The following C2orf15 variants were observed in gnomAD, a reference collection of about 807,000 sequenced individuals.
The protein encoded by C2orf15 is chromosome 2 open reading frame 15.
Under a neutral mutation model 4.4 loss-of-function variants are expected in C2orf15, and 3 were observed. That is an observed-to-expected ratio of 0.67 (90% confidence interval 0.31 to 1.74). C2orf15 has a LOEUF of 1.74. Among genes scored for constraint, C2orf15 ranks in the 40% most tolerant of loss-of-function variants. The pLI, the probability that C2orf15 is intolerant of heterozygous loss-of-function variation, is 0.09. For synonymous variants in C2orf15, 37 were observed against 36.8 expected (o/e 1.00, Z -0.02); for missense variants, 90 against 103.3 (o/e 0.87, Z 0.56).
intron 2 of C2orf15, among the ~76,000 whole-genome samples, chr2:99,145,580 C>T (rs2093623491): frequency 6.6e-6 from 1 of 151,758 alleles, no homozygotes; most frequent in Admixed American, 6.6e-5. Flanking sequence ...AAAAAAGACC[C>T]TTGTGATTAC....
At position 99,142,291 on chromosome 2, in the gene C2orf15, T is replaced by G. The variant is rs891212687; in HGVS notation, c.-279T>G. ...TTATCTCCTTTTCCTGCAGATGACA[T>G]AGACACTAGGTTTTTACAGCAATTC... On this transcript the variant is annotated 5_prime_UTR_variant, in exon 2 of 4. The change abolishes the stop of an existing upstream ORF in the 5' untranslated region. Transcript: ENST00000650052. 6.6e-6 allele frequency: 1 copy of G among 152,220 alleles called. No individual in the cohort carries two copies. Among genetic ancestry groups the G allele is most frequent in the African/African-American group, 2.4e-5 (1 of 41,456 alleles). The allele number at this position is 152,220 out of a possible 1,614,324, so 9.4% of individuals were successfully genotyped here. A position where few individuals can be genotyped will look rare whatever the true frequency, so the allele number is the denominator to read the frequency against.
chr2:99,151,579 C>G lies in C2orf15; in HGVS notation c.*745C>G, dbSNP rs1223636231. 6.7e-6 allele frequency: 1 copy of G among 150,152 alleles called. No individual in the cohort carries two copies. Among genetic ancestry groups the G allele is most frequent in the African/African-American group, 2.5e-5 (1 of 40,794 alleles). 9.3% of individuals were successfully genotyped at this position (150,152 alleles called of 1,614,324 possible). ...CATTTTGGGATTCTGCTTTATGATA[C>G]TTTACTTTCTTACATTTTGCATTTT... On this transcript the variant is annotated 3_prime_UTR_variant, in exon 4 of 4. Coordinates refer to ENST00000650052, the MANE Select transcript of C2orf15 (RefSeq NM_144706.4).
chr2:99,149,153 G>C (rs1378217488), intron 3 of C2orf15, among the ~76,000 whole-genome samples: 1 of 145,260 alleles, frequency 6.9e-6, no homozygotes, highest in Non-Finnish European at 1.5e-5. Context: ...CTGGGTGAAA[G>C]GGTGAAACTC....
Position 99,147,503 on chromosome 2 carries a change from A to G in C2orf15, c.-77+10A>G, listed in dbSNP as rs780169932. 6.2e-7 allele frequency: 1 copy of G among 1,613,636 alleles called. No homozygotes were observed. Among genetic ancestry groups the G allele is most frequent in the South Asian group, 1.1e-5 (1 of 91,064 alleles). ...CTCTGGGGAAGTTAAGGTAAGACTC[A>G]CAGGGCCAAGTCTACCCTATTATAC... On this transcript the variant is annotated intron_variant, in intron 3 of 3. Transcript: ENST00000650052.
chr2:99,150,773 C>T lies in C2orf15; in HGVS notation c.215C>T (p.Ala72Val). The change falls in exon 4 of 4, where the codon GCC (alanine) becomes GTC (valine). Residue 72 changes from alanine (A) to valine (V), a missense_variant. Physicochemically the swap from Ala to Val is moderately conservative, Grantham distance 64. Transcript: ENST00000650052. ...GGCACAGGATCTCTTTCTGGGAAAG[C>T]CTTGGGTTCAGTGGTATATGTCAAA... ...GTGTGSLSGK[A>V]LGSVVYVKES... 3 of 1,613,158 alleles carry T rather than the reference C, an allele frequency of 1.9e-6. No individual in the cohort carries two copies. Among genetic ancestry groups the T allele is most frequent in the Non-Finnish European group, 2.5e-6 (3 of 1,179,708 alleles).
intron 2 of C2orf15, among the ~76,000 whole-genome samples, chr2:99,144,850 GAGA>G (rs757597001): frequency 1.3e-5 from 2 of 152,122 alleles, no homozygotes; most frequent in African/African-American, 2.4e-5. Context: ...CCTGAAGCAG[GAGA>G]AGGTTTGGCA....
At chr2:99,144,107 G>C (rs1481247630) in intron 2 of C2orf15, among the ~76,000 whole-genome samples, 1 of 152,030 alleles carries the variant, frequency 6.6e-6, no homozygotes, top group Non-Finnish European at 1.5e-5. Context: ...TGGAAGCTCT[G>C]CCTCGCGGCT....
In C2orf15 at chr2:99,150,856, A is replaced by G; in HGVS notation, c.*22A>G. 6.6e-7 allele frequency: 1 copy of G among 1,515,212 alleles called. No homozygotes were observed. Among genetic ancestry groups the G allele is most frequent in the Non-Finnish European group, 8.9e-7 (1 of 1,122,434 alleles). The allele number at this position is 1,515,212 out of a possible 1,614,324, so 93.9% of individuals were successfully genotyped here. ...ATGAAGCAATTTGTACGTATTACCA[A>G]AGAAACCAAAAACTGCCTTTGACTA... On this transcript the variant is annotated 3_prime_UTR_variant, in exon 4 of 4. Coordinates refer to ENST00000650052, the MANE Select transcript of C2orf15 (RefSeq NM_144706.4).
chr2:99,147,923 C>A (rs1335631139), intron 3 of C2orf15, among the ~76,000 whole-genome samples: 4 of 152,140 alleles, frequency 2.6e-5, no homozygotes, highest in Non-Finnish European at 4.4e-5. Context: ...ATACAATTAT[C>A]ATATTCATGG....
chr2:99,150,930 A>C lies in C2orf15; in HGVS notation c.*96A>C, dbSNP rs572375617. 21 of 744,114 alleles carry C rather than the reference A, an allele frequency of 2.8e-5. No individual in the cohort carries two copies. In the South Asian group the frequency reaches 3.8e-4, roughly 14 times the overall value. The allele number at this position is 744,114 out of a possible 1,614,324, so 46.1% of individuals were successfully genotyped here. A position where few individuals can be genotyped will look rare whatever the true frequency, so the allele number is the denominator to read the frequency against. On this transcript the variant is annotated 3_prime_UTR_variant, in exon 4 of 4. Coordinates refer to ENST00000650052, the MANE Select transcript of C2orf15 (RefSeq NM_144706.4). ...AACCTTATTAGGAAACCCTGACAAA[A>C]TGATGGAAGACTATTGCCTTATTTT...
intron 2 of C2orf15, among the ~76,000 whole-genome samples, chr2:99,142,828 A>C (rs969610377): frequency 2.6e-5 from 4 of 152,210 alleles, no homozygotes; most frequent in Non-Finnish European, 5.9e-5. Context: ...GTTTAAAACT[A>C]TCAGCTGGAG....
At chr2:99,143,531 C>G (rs925133073) in intron 2 of C2orf15, among the ~76,000 whole-genome samples, 5 of 151,456 alleles carry the variant, frequency 3.3e-5, no homozygotes, top group African/African-American at 1.2e-4. Context: ...AGTGCGTTGG[C>G]ATGATCTCAG....
At position 99,150,464 on chromosome 2, in the gene C2orf15, C is replaced by A; in HGVS notation, c.-76-19C>A. 2 of 1,113,530 alleles carry A rather than the reference C, an allele frequency of 1.8e-6. No homozygotes were observed. The highest frequency in any genetic ancestry group is 2.3e-4 in the Middle Eastern group (1 of 4,376). 69.0% of individuals were successfully genotyped at this position (1,113,530 alleles called of 1,614,324 possible). A position where few individuals can be genotyped will look rare whatever the true frequency, so the allele number is the denominator to read the frequency against. ...AAATTCCTGCTGCATTCACTTGTTA[C>A]TTTTTTTTTTTTTTTCAGTAATCAA... On this transcript the variant is annotated intron_variant, in intron 3 of 3. Coordinates refer to ENST00000650052, the MANE Select transcript of C2orf15 (RefSeq NM_144706.4).
At chr2:99,144,649 C>CAAAAAAAAAAAAAAA (rs70940140) in intron 2 of C2orf15, among the ~76,000 whole-genome samples, 15 of 52,260 alleles carry the variant, frequency 2.9e-4, no homozygotes, top group East Asian at 8.3e-4. Context: ...AACTCTGTCT[C>CAAAAAAAAAAAAAAA]AAAAAAAAAA....
intron 2 of C2orf15, among the ~76,000 whole-genome samples, chr2:99,146,821 G>GTT (rs2093637051): frequency 2.0e-5 from 3 of 152,152 alleles, no homozygotes; most frequent in South Asian, 4.1e-4. Flanking sequence ...TAGAGACAGA[G>GTT]TTTCACCATG....
chr2:99,147,621 T>G (rs2093645864), intron 3 of C2orf15, 128 bp downstream of exon 3: 1 of 815,170 alleles, frequency 1.2e-6, no homozygotes, highest in Non-Finnish European at 1.9e-6. Flanking sequence ...TGATTTCAAA[T>G]GCCATGTTTT....
intron 3 of C2orf15, among the ~76,000 whole-genome samples, chr2:99,150,277 CAGAT>C (rs1429115422): frequency 6.6e-6 from 1 of 152,126 alleles, no homozygotes; most frequent in Non-Finnish European, 1.5e-5. Context: ...AACATACAAT[CAGAT>C]AAATTTCCTT....
In C2orf15 at chr2:99,150,879, C is replaced by T. The variant is rs1208412705; in HGVS notation, c.*45C>T. 7.8e-7 allele frequency: 1 copy of T among 1,275,404 alleles called. No homozygotes were observed. 79.0% of individuals were successfully genotyped at this position (1,275,404 alleles called of 1,614,324 possible). A position where few individuals can be genotyped will look rare whatever the true frequency, so the allele number is the denominator to read the frequency against. On this transcript the variant is annotated 3_prime_UTR_variant, in exon 4 of 4. Transcript: ENST00000650052. ...CAAAGAAACCAAAAACTGCCTTTGA[C>T]TAAGGGGGGTGTTGAAAGAGAACTT...
intron 2 of C2orf15, among the ~76,000 whole-genome samples, chr2:99,145,977 T>A (rs537728195): frequency 2.5e-4 from 38 of 151,938 alleles, no homozygotes; most frequent in African/African-American, 8.4e-4. Flanking sequence ...ACAAAAAAAA[T>A]GAATTTTAAA....
Sources: allele counts gnomAD v4.1 joint callset (sites outside exome capture counted in the v4.1 genomes callset), GRCh38; gene constraint gnomAD v4.1.1; transcripts MANE v1.5; gene names NCBI Gene and HGNC (gene_info 2026-07-23, HGNC 2026-07-21).